CLEC16A: variants seen among roughly 807,000 people sequenced by gnomAD.
The protein encoded by CLEC16A is protein CLEC16A.
In CLEC16A, 51 loss-of-function variants were observed where a neutral mutation model predicts 109.5. The observed-to-expected ratio is 0.47, with a 90% CI of 0.37 to 0.59. The LOEUF (loss-of-function observed/expected upper bound fraction) is 0.59. Among genes scored for constraint, CLEC16A ranks in the 20% least tolerant of loss-of-function variants. The pLI is 0.00. For missense variants in CLEC16A, 1,339 were observed against 1,394.0 expected, an observed-to-expected ratio of 0.96 and a Z score of 0.63; for synonymous variants, 673 against 564.2, an observed-to-expected ratio of 1.19 and a Z score of -2.73.
At chr16:11,069,303 A>G (rs1158632399) in intron 19 of CLEC16A, among the ~76,000 whole-genome samples, 2 of 151,976 alleles carry the variant, frequency 1.3e-5, no homozygotes, top group Non-Finnish European at 1.5e-5. Flanking sequence ...GAGATTTTGT[A>G]TATTTTGTAG....
intron 3 of CLEC16A, among the ~76,000 whole-genome samples, chr16:10,963,193 TGA>T (rs2042338084): frequency 6.6e-6 from 1 of 152,118 alleles, no homozygotes; most frequent in Non-Finnish European, 1.5e-5. Flanking sequence ...GGAGAGAAAT[TGA>T]GAGAGTGCTA....
chr16:11,075,128 C>T (rs1597299023), intron 19 of CLEC16A, among the ~76,000 whole-genome samples: 1 of 152,214 alleles, frequency 6.6e-6, no homozygotes, highest in African/African-American at 2.4e-5. Flanking sequence ...TGAAGGCACT[C>T]TACAGTTGAA....
intron 13 of CLEC16A, among the ~76,000 whole-genome samples, chr16:11,028,114 C>T (rs747086027): frequency 5.9e-5 from 9 of 152,168 alleles, no homozygotes; most frequent in African/African-American, 1.2e-4. Flanking sequence ...GCAGGAGAAT[C>T]GCTCAAACGT....
chr16:10,980,807 C>T (rs534728768), intron 9 of CLEC16A, among the ~76,000 whole-genome samples: 71 of 152,244 alleles, frequency 4.7e-4, no homozygotes, highest in Non-Finnish European at 9.0e-4. Flanking sequence ...AAAATGTGAC[C>T]TAAATGTGTG....
intron 3 of CLEC16A, among the ~76,000 whole-genome samples, chr16:10,966,079 C>T (rs1252463654): frequency 1.2e-4 from 18 of 152,108 alleles, no homozygotes; most frequent in Admixed American, 1.2e-3. Flanking sequence ...CAGAATGACA[C>T]AGAAAGAAAA....
intron 2 of CLEC16A, among the ~76,000 whole-genome samples, chr16:10,959,574 T>C (rs1043436656): frequency 1.9e-5 from 2 of 107,098 alleles, no homozygotes; most frequent in Admixed American, 1.9e-4. Flanking sequence ...GTATTTTTAG[T>C]AGAGATGGTG....
intron 19 of CLEC16A, among the ~76,000 whole-genome samples, chr16:11,113,114 T>G (rs532151549): frequency 3.3e-5 from 5 of 152,320 alleles, no homozygotes; most frequent in Non-Finnish European, 7.3e-5. Context: ...CTTGGAAACA[T>G]CCACAGCTAT....
intron 10 of CLEC16A, among the ~76,000 whole-genome samples, chr16:10,987,355 A>T (rs2043733285): frequency 6.6e-6 from 1 of 152,216 alleles, no homozygotes; most frequent in African/African-American, 2.4e-5. Context: ...ACTGCGGGTT[A>T]CTGGCAACCT....
At chr16:11,138,070 G>A (rs894064002) in intron 22 of CLEC16A, among the ~76,000 whole-genome samples, 4 of 152,200 alleles carry the variant, frequency 2.6e-5, no homozygotes, top group African/African-American at 4.8e-5. Context: ...AAGAATTGGG[G>A]TAGGGAAAGA....
intron 13 of CLEC16A, among the ~76,000 whole-genome samples, chr16:11,037,374 C>T (rs1293898780): frequency 2.0e-5 from 3 of 152,198 alleles, no homozygotes. Flanking sequence ...CAACTCTGGG[C>T]CTTAACTTCC....
At chr16:11,046,886 G>A (rs906262123) in intron 16 of CLEC16A, among the ~76,000 whole-genome samples, 1 of 152,166 alleles carries the variant, frequency 6.6e-6, no homozygotes, top group South Asian at 2.1e-4. Context: ...CCTTCCAGAG[G>A]TGTGGAGCCT....
intron 11 of CLEC16A, among the ~76,000 whole-genome samples, chr16:11,015,190 C>G (rs2045668951): frequency 2.0e-5 from 3 of 152,206 alleles, no homozygotes; most frequent in Non-Finnish European, 4.4e-5. Context: ...AGTGGAGCCA[C>G]TCACTCTACA....
intron 19 of CLEC16A, among the ~76,000 whole-genome samples, chr16:11,070,359 T>C (rs926854331): frequency 9.2e-5 from 14 of 151,632 alleles, no homozygotes; most frequent in Admixed American, 3.9e-4. Flanking sequence ...CGTGAGCCAC[T>C]GCACCCGGCC....
At chr16:10,972,603 T>C (rs2042846861) in intron 6 of CLEC16A, 44 bp downstream of exon 6, 1 of 1,538,622 alleles carries the variant, frequency 6.5e-7, no homozygotes, top group Non-Finnish European at 9.0e-7. Context: ...AATCTACCCT[T>C]ATATGTAAAT....
At chr16:11,009,207 G>T (rs2045244807) in intron 11 of CLEC16A, among the ~76,000 whole-genome samples, 1 of 152,142 alleles carries the variant, frequency 6.6e-6, no homozygotes, top group Non-Finnish European at 1.5e-5. Context: ...TGCCTGGCTT[G>T]CATCACTTAG....
At chr16:11,077,767 T>C (rs997706974) in intron 19 of CLEC16A, among the ~76,000 whole-genome samples, 63 of 152,242 alleles carry the variant, frequency 4.1e-4, no homozygotes, top group Non-Finnish European at 1.5e-5. Context: ...GCAGGCGGCC[T>C]GGACAGATTT....
chr16:11,156,749 G>A (rs912192925), intron 22 of CLEC16A: 1 of 1,040,950 alleles, frequency 9.6e-7, no homozygotes, highest in Non-Finnish European at 1.3e-6. Context: ...ATCAAGCCCA[G>A]CCCTGGCGAC....
At chr16:11,153,384 T>C (rs1391031062) in intron 22 of CLEC16A, among the ~76,000 whole-genome samples, 1 of 152,066 alleles carries the variant, frequency 6.6e-6, no homozygotes. Flanking sequence ...CCTGGAGCAC[T>C]TGTGAGGAGT....
At chr16:11,058,497 CTG>C (rs2048323910) in intron 18 of CLEC16A, among the ~76,000 whole-genome samples, 1 of 151,220 alleles carries the variant, frequency 6.6e-6, no homozygotes, top group African/African-American at 2.4e-5. Context: ...GGAAAAAAGT[CTG>C]TACAAGTTGA....
Sources: gnomAD v4.1 joint callset for allele counts (sites outside exome capture counted in the v4.1 genomes callset) on GRCh38, gnomAD v4.1.1 for gene constraint, MANE v1.5 for transcripts, NCBI Gene and HGNC (gene_info 2026-07-23, HGNC 2026-07-21) for gene names.